GLI2: variants seen among roughly 807,000 people sequenced by gnomAD.
GLI2 encodes transcription activator GLI2.
A neutral mutation model predicts 78.9 loss-of-function variants in GLI2; 22 were observed. That is an observed-to-expected ratio of 0.28 (90% CI 0.20 to 0.40). The LOEUF is 0.40. GLI2 is among the 10% of genes least tolerant of loss of function. The pLI, the probability that GLI2 is intolerant of heterozygous loss-of-function variation, is 1.00. For missense variants in GLI2, 2,097 were observed against 2,213.2 expected, an observed-to-expected ratio of 0.95 and a Z score of 1.05; for synonymous variants, 974 against 963.7, an observed-to-expected ratio of 1.01 and a Z score of -0.20.
intron 2 of GLI2, among the ~76,000 whole-genome samples, chr2:120,798,240 C>A (rs112988744): frequency 6.6e-6 from 1 of 152,224 alleles, no homozygotes; most frequent in African/African-American, 2.4e-5. Context: ...GAAGAGAATG[C>A]GCCTTTTCTT....
At chr2:120,802,228 T>G (rs1223857913) in intron 2 of GLI2, among the ~76,000 whole-genome samples, 2 of 152,156 alleles carry the variant, frequency 1.3e-5, no homozygotes, top group African/African-American at 4.8e-5. Context: ...AGTCACTATT[T>G]CCCTGTGCCA....
intron 3 of GLI2, among the ~76,000 whole-genome samples, chr2:120,933,126 G>C (rs577881681): frequency 6.6e-6 from 1 of 152,126 alleles, no homozygotes; most frequent in Non-Finnish European, 1.5e-5. Context: ...CTGACCACCC[G>C]GCTGTAAACA....
intron 3 of GLI2, among the ~76,000 whole-genome samples, chr2:120,942,862 T>A (rs13025106): frequency 0.032 from 320 of 9,888 alleles, 2 homozygotes; most frequent in Admixed American, 0.05. Context: ...TCACGCCCTC[T>A]TTCATTCATT....
intron 3 of GLI2, among the ~76,000 whole-genome samples, chr2:120,937,136 G>A (rs1394110807): frequency 6.6e-6 from 1 of 152,194 alleles, no homozygotes; most frequent in East Asian, 1.9e-4. Context: ...AACTCAGTGG[G>A]GAATGTTCTT....
chr2:120,954,287 G>A (rs1462661483), intron 4 of GLI2, among the ~76,000 whole-genome samples: 1 of 152,168 alleles, frequency 6.6e-6, no homozygotes, highest in African/African-American at 2.4e-5. Context: ...AGGTTTTGAG[G>A]GAAGGTGGGT....
chr2:120,815,744 G>A (rs1685465513), intron 2 of GLI2, among the ~76,000 whole-genome samples: 1 of 152,230 alleles, frequency 6.6e-6, no homozygotes, highest in Non-Finnish European at 1.5e-5. Context: ...TGGAACCAGG[G>A]TGGTGATAGG....
At chr2:120,842,077 A>AAAC (rs1491164037) in intron 2 of GLI2, among the ~76,000 whole-genome samples, 1 of 146,764 alleles carries the variant, frequency 6.8e-6, no homozygotes, top group African/African-American at 2.6e-5. Context: ...AAAAAAAAAA[A>AAAC]CAGACTTCTT....
At chr2:120,905,643 A>G (rs138369206) in intron 2 of GLI2, among the ~76,000 whole-genome samples, 151 of 152,270 alleles carry the variant, frequency 9.9e-4, no homozygotes, top group Middle Eastern at 6.8e-3. Flanking sequence ...GCCTCTGCCC[A>G]CTGTCCAGTG....
chr2:120,792,692 G>C (rs1226603727), intron 1 of GLI2, among the ~76,000 whole-genome samples: 1 of 152,172 alleles, frequency 6.6e-6, no homozygotes, highest in East Asian at 1.9e-4. Context: ...GCGCGGTCTT[G>C]CCTCACTGCA....
At chr2:120,741,647 T>G (rs1202060218) in intron 1 of GLI2, among the ~76,000 whole-genome samples, 3 of 150,198 alleles carry the variant, frequency 2.0e-5, no homozygotes, top group Non-Finnish European at 4.4e-5. Flanking sequence ...GACCTTCCTC[T>G]CCCTCCGCGC....
At chr2:120,752,396 G>A (rs1484850742) in intron 1 of GLI2, among the ~76,000 whole-genome samples, 4 of 150,546 alleles carry the variant, frequency 2.7e-5, no homozygotes, top group South Asian at 2.1e-4. Flanking sequence ...TCAACCTCCC[G>A]AGTAGCTGGA....
chr2:120,867,555 C>T (rs948825647), intron 2 of GLI2, among the ~76,000 whole-genome samples: 1 of 152,206 alleles, frequency 6.6e-6, no homozygotes. Context: ...CCCGCACCGC[C>T]GCCCCTCTGG....
At chr2:120,961,875 T>C (rs1014629136) in intron 5 of GLI2, among the ~76,000 whole-genome samples, 19 of 152,212 alleles carry the variant, frequency 1.2e-4, no homozygotes, top group African/African-American at 3.6e-4. Flanking sequence ...CTGAGGAGGA[T>C]GTTCCTGTCT....
chr2:120,837,082 A>C (rs773050505), intron 2 of GLI2, among the ~76,000 whole-genome samples: 1 of 152,186 alleles, frequency 6.6e-6, no homozygotes, highest in Non-Finnish European at 1.5e-5. Flanking sequence ...AGTACTTTTA[A>C]GAGATACTAA....
chr2:120,743,103 T>G (rs1573546403), intron 1 of GLI2, among the ~76,000 whole-genome samples: 1 of 152,282 alleles, frequency 6.6e-6, no homozygotes, highest in African/African-American at 2.4e-5. Context: ...TTACCAAGTT[T>G]TATCTGGGGG....
chr2:120,842,195 C>T lies in GLI2; in HGVS notation c.148+44727C>T, dbSNP rs192071294. Among the ~76,000 whole-genome samples the T allele has an allele frequency of 2.1e-3, 318 of 152,070 alleles. 1 individual carries two copies. The highest frequency in any genetic ancestry group is 7.3e-3 in the African/African-American group (301 of 41,492). On this transcript the variant is annotated intron_variant, in intron 2 of 13. Transcript: ENST00000361492. ...GCCCCCTGGTTCCCCTCCCTGGAGA[C>T]GACCAATGTTCCCTGCCTCTCACAT... is the stretch of plus-strand genomic sequence containing the variant.
chr2:120,907,550 C>T lies in GLI2; in HGVS notation c.149-19811C>T, dbSNP rs535268331. On this transcript the variant is annotated intron_variant, in intron 2 of 13. Transcript: ENST00000361492. Reference sequence around the variant, plus strand: ...TTGCTTCTCACGTTATTCAGCCGGGCTGTGTAATGGGAAAGAACAGTCACC... The same window carrying T: ...TTGCTTCTCACGTTATTCAGCCGGGTTGTGTAATGGGAAAGAACAGTCACC... Among the ~76,000 whole-genome samples the T allele has an allele frequency of 5.3e-5, 8 of 152,296 alleles. No individual in the cohort carries two copies. In the South Asian group the frequency reaches 1.5e-3, roughly 28 times the overall value.
intron 2 of GLI2, among the ~76,000 whole-genome samples, chr2:120,902,233 G>T (rs1212848809): frequency 8.2e-6 from 1 of 121,660 alleles, no homozygotes; most frequent in African/African-American, 3.1e-5. Flanking sequence ...CCCAAAAGCT[G>T]GTTGTTAACA....
intron 6 of GLI2, among the ~76,000 whole-genome samples, chr2:120,969,490 A>T (rs1682029538): frequency 6.6e-6 from 1 of 152,264 alleles, no homozygotes; most frequent in Non-Finnish European, 1.5e-5. Flanking sequence ...AGTTTGTCCC[A>T]ACGACCTGGA....
Sources: gnomAD v4.1 joint callset for allele counts (sites outside exome capture counted in the v4.1 genomes callset) on GRCh38, gnomAD v4.1.1 for gene constraint, MANE v1.5 for transcripts, NCBI Gene and HGNC (gene_info 2026-07-23, HGNC 2026-07-21) for gene names.